The following TDRD9 variants were observed in gnomAD, a reference collection of about 807,000 sequenced individuals.
TDRD9 encodes the protein ATP-dependent RNA helicase TDRD9.
In TDRD9, 124 loss-of-function variants were observed where a neutral mutation model predicts 172.6. The observed-to-expected ratio is 0.72, with a 90% CI of 0.62 to 0.83. The LOEUF is 0.83. Among genes scored for constraint, TDRD9 ranks in the 40% least tolerant of loss-of-function variants. The pLI is 0.00. For synonymous variants in TDRD9, 619 were observed against 617.1 expected (o/e 1.00, Z -0.05); for missense variants, 1,479 against 1,714.1 (o/e 0.86, Z 2.42).
chr14:103,940,916 T>C (rs1201304012), intron 1 of TDRD9: 1 of 1,535,460 alleles, frequency 6.5e-7, no homozygotes, highest in Non-Finnish European at 8.7e-7. Flanking sequence ...ATTTCATCTT[T>C]GTCTGCCCTC....
At chr14:104,038,591 C>T (rs2035521559) in intron 32 of TDRD9, among the ~76,000 whole-genome samples, 1 of 152,214 alleles carries the variant, frequency 6.6e-6, no homozygotes, top group South Asian at 2.1e-4. Flanking sequence ...CACAAGTGAT[C>T]TGTCTGTAGG....
intron 1 of TDRD9, among the ~76,000 whole-genome samples, chr14:103,943,199 C>T (rs1284546026): frequency 2.0e-5 from 3 of 151,752 alleles, no homozygotes; most frequent in East Asian, 1.9e-4. Flanking sequence ...GGCATGATCA[C>T]GGCTCACTGT....
chr14:103,928,818 T>C lies in TDRD9; in HGVS notation c.215+94T>C, dbSNP rs1232660294. ...CATCCAGATCCTTCTCGCGAGCCCG[T>C]GCCCTCTCGCGGGGCTCCAGGGACC... On this transcript the variant is annotated intron_variant, in intron 1 of 35. Transcript: ENST00000409874. The C allele has an allele frequency of 1.5e-5, 5 of 339,064 alleles. No individual in the cohort carries two copies. In the East Asian group the frequency reaches 3.3e-4, roughly 22 times the overall value. 21.0% of individuals were successfully genotyped at this position (339,064 alleles called of 1,614,324 possible). A position where few individuals can be genotyped will look rare whatever the true frequency, so the allele number is the denominator to read the frequency against.
chr14:103,960,634 C>T (rs552149144), intron 2 of TDRD9, among the ~76,000 whole-genome samples: 1 of 152,298 alleles, frequency 6.6e-6, no homozygotes, highest in East Asian at 1.9e-4. Flanking sequence ...GGTTTCCTGT[C>T]TGCCCTTTGG....
At chr14:103,967,347 CAAAA>C (rs11444885) in intron 5 of TDRD9, among the ~76,000 whole-genome samples, 3 of 49,748 alleles carry the variant, frequency 6.0e-5, no homozygotes, top group East Asian at 6.2e-4. Context: ...ACTAAAAATA[CAAAA>C]AAAAAAAAAA....
At chr14:103,964,087 C>A (rs150486413) in intron 3 of TDRD9, among the ~76,000 whole-genome samples, 1 of 151,974 alleles carries the variant, frequency 6.6e-6, no homozygotes, top group Non-Finnish European at 1.5e-5. Context: ...ACAAAACACA[C>A]CCCCCAAAAT....
At chr14:103,937,935 C>T (rs754000833) in intron 1 of TDRD9, among the ~76,000 whole-genome samples, 19 of 151,568 alleles carry the variant, frequency 1.3e-4, no homozygotes, top group Non-Finnish European at 2.2e-4. Flanking sequence ...TGTGAGCATC[C>T]AAGAGGAGGT....
intron 6 of TDRD9, among the ~76,000 whole-genome samples, chr14:103,971,611 CTG>C (rs1406781915): frequency 6.6e-6 from 1 of 152,030 alleles, no homozygotes; most frequent in African/African-American, 2.4e-5. Context: ...GCCGGGCTGA[CTG>C]TATTTTAACA....
rs1869540530 is a variant in TDRD9, at chr14:103,980,903, C to T, written c.1012-5314C>T. ...ACTTCTCACTATGTCCCCTCAGCTC[C>T]TGTCTCTGTATGGCCTGGTTTTTCC... On this transcript the variant is annotated intron_variant, in intron 7 of 35. Coordinates refer to ENST00000409874, the MANE Select transcript of TDRD9 (RefSeq NM_153046.3). The surrounding 1 kb of genome is among the most constrained non-coding windows in gnomAD (Gnocchi z 4.5). Among the ~76,000 whole-genome samples, 1 of 152,162 alleles carries T rather than the reference C, an allele frequency of 6.6e-6. No homozygotes were observed. Among genetic ancestry groups the T allele is most frequent in the African/African-American group, 2.4e-5 (1 of 41,430 alleles).
chr14:103,940,377 G>A (rs2295662), intron 1 of TDRD9: 10,157 of 154,392 alleles, frequency 0.066, 753 homozygotes, highest in African/African-American at 0.16. Context: ...GAGAATGATC[G>A]TATAATGGGA....
rs567469824 is a variant in TDRD9 at position 104,016,302 on chromosome 14, C to G, written c.2331+214C>G. Among the ~76,000 whole-genome samples, 4 of 152,208 alleles carry G rather than the reference C, an allele frequency of 2.6e-5. No individual in the cohort carries two copies. The East Asian group carries it at 7.7e-4, about 29-fold the overall frequency. ...TCTTGCCTCCTTTTACAGACCTGGC[C>G]TTATAAGGAAGCCTTGAGAGTTTAT... On this transcript the variant is annotated intron_variant, in intron 22 of 35. Coordinates refer to ENST00000409874, the MANE Select transcript of TDRD9 (RefSeq NM_153046.3).
chr14:104,027,628 T>C (rs1357048607), intron 28 of TDRD9, among the ~76,000 whole-genome samples: 1 of 152,198 alleles, frequency 6.6e-6, no homozygotes, highest in African/African-American at 2.4e-5. Context: ...TTTTGATATG[T>C]GTATATAATG....
intron 1 of TDRD9, among the ~76,000 whole-genome samples, chr14:103,938,431 T>A (rs2030932916): frequency 3.0e-5 from 2 of 66,326 alleles, no homozygotes; most frequent in Non-Finnish European, 6.0e-5. Flanking sequence ...TATATATATA[T>A]ATATATATAT....
In TDRD9 at chr14:104,028,528, T is replaced by A. The variant is rs183046134; in HGVS notation, c.3282+1589T>A. Among the ~76,000 whole-genome samples the A allele has an allele frequency of 4.1e-3, 623 of 152,336 alleles. 7 individuals carry two copies. The highest frequency in any genetic ancestry group is 0.014 in the African/African-American group (601 of 41,570). On this transcript the variant is annotated intron_variant, in intron 28 of 35. Transcript: ENST00000409874. ...CTGTTCAGATGCTTTGCCCACTTTT[T>A]AATTGGATTATTTGCTTTTTTGCTG...
intron 25 of TDRD9, 149 bp downstream of exon 25, chr14:104,024,829 G>C: frequency 2.3e-6 from 1 of 436,496 alleles, no homozygotes; most frequent in Non-Finnish European, 4.1e-6. Context: ...ATGTGGGTGA[G>C]TTTGAATTAT....
At chr14:104,010,806 A>G (rs772418082) in intron 20 of TDRD9, among the ~76,000 whole-genome samples, 86 of 152,312 alleles carry the variant, frequency 5.6e-4, no homozygotes, top group Non-Finnish European at 9.3e-4. Flanking sequence ...TGTGGCGCCC[A>G]TGTGAATAGT....
chr14:104,038,352 G>A (rs1334768940), intron 32 of TDRD9, among the ~76,000 whole-genome samples: 1 of 152,216 alleles, frequency 6.6e-6, no homozygotes, highest in Admixed American at 6.5e-5. Flanking sequence ...GTTTAACTGG[G>A]TTTTCTGGCT....
At chr14:103,961,047 G>T (rs1193577712) in intron 2 of TDRD9, among the ~76,000 whole-genome samples, 1 of 152,124 alleles carries the variant, frequency 6.6e-6, no homozygotes, top group African/African-American at 2.4e-5. Flanking sequence ...TTGTCTGCAT[G>T]CTGTGTCTGG....
rs1009244205 is a variant in TDRD9 at position 103,985,753 on chromosome 14, A to G, written c.1012-464A>G. 8.5e-5 allele frequency among the ~76,000 whole-genome samples: 13 copies of G among 152,196 alleles called. 1 individual carries two copies. The highest frequency in any genetic ancestry group is 1.6e-4 in the Non-Finnish European group (11 of 68,046). ...TTGGTAGATACGGATGTGACGTTAC[A>G]GTTTTCTGGTACTTTTGATATACAA... On this transcript the variant is annotated intron_variant, in intron 7 of 35. Transcript: ENST00000409874.
Sources: allele counts gnomAD v4.1 joint callset (sites outside exome capture counted in the v4.1 genomes callset), GRCh38; gene constraint gnomAD v4.1.1; non-coding constraint Gnocchi (gnomAD v3.1); transcripts MANE v1.5; gene names NCBI Gene and HGNC (gene_info 2026-07-23, HGNC 2026-07-21).